Variants in RTEL1 observed in about 807,000 individuals in gnomAD.
The protein encoded by RTEL1 is regulator of telomere elongation helicase 1.
In RTEL1, 86 loss-of-function variants were observed where a neutral mutation model predicts 162.2. That is an observed-to-expected ratio of 0.53 (90% CI 0.45 to 0.63). RTEL1 has a LOEUF of 0.63. Among genes scored for constraint, RTEL1 ranks in the 30% least tolerant of loss-of-function variants. The pLI is 0.00. For missense variants in RTEL1, 1,941 were observed against 1,750.2 expected (o/e 1.11, Z -1.95); for synonymous variants, 958 against 717.9 (o/e 1.33, Z -5.35).
In RTEL1 at chr20:63,687,291, C is replaced by T. The variant is rs115101171; in HGVS notation, c.1349-347C>T. ...TGTCGGGATGCCGGCGCTTCCTTCC[C>T]GTGTGCTCTTGGCGGGGTGGGCTTC... On this transcript the variant is annotated intron_variant, in intron 16 of 34. Coordinates refer to ENST00000360203, the MANE Select transcript of RTEL1 (RefSeq NM_001283009.2). 637 of 254,126 alleles carry T rather than the reference C, an allele frequency of 2.5e-3. 6 individuals are homozygous for T. The highest frequency in any genetic ancestry group is 0.011 in the African/African-American group (483 of 44,846). The allele number at this position is 254,126 out of a possible 1,614,324, so 15.7% of individuals were successfully genotyped here. A position where few individuals can be genotyped will look rare whatever the true frequency, so the allele number is the denominator to read the frequency against.
intron 30 of RTEL1, 51 bp downstream of exon 30, chr20:63,693,334 T>G (rs760116252): frequency 3.7e-6 from 6 of 1,604,090 alleles, no homozygotes. Flanking sequence ...GAAGGCAGTG[T>G]GGGCCAGAGT....
intron 14 of RTEL1, among the ~76,000 whole-genome samples, chr20:63,684,227 C>T (rs2090541416): frequency 6.6e-6 from 1 of 152,168 alleles, no homozygotes; most frequent in Admixed American, 6.5e-5. Context: ...CACGCCACAC[C>T]GGTGGTTCTG....
chr20:63,693,415 T>A, intron 30 of RTEL1, 132 bp downstream of exon 30: 2 of 1,063,438 alleles, frequency 1.9e-6, no homozygotes, highest in East Asian at 2.6e-5. Context: ...ATGGGAGTGA[T>A]GGGGGCCTCC....
intron 29 of RTEL1, 28 bp downstream of exon 29, chr20:63,693,031 C>T (rs377381698): frequency 1.5e-4 from 248 of 1,611,272 alleles, no homozygotes; most frequent in Non-Finnish European, 2.0e-4. Context: ...GGCCACCCAC[C>T]CTGAGGGCAG....
At chr20:63,682,142 T>G (rs1057337457) in intron 14 of RTEL1, 2 of 985,248 alleles carry the variant, frequency 2.0e-6, no homozygotes, top group African/African-American at 3.5e-5. Flanking sequence ...TGGAGAAGTC[T>G]CCTCCACACT....
In RTEL1 at chr20:63,661,636, T is replaced by C. The variant is rs1312512125; in HGVS notation, c.301+140T>C. The C allele has an allele frequency of 2.0e-6, 2 of 1,020,200 alleles. No individual in the cohort carries two copies. The highest frequency in any genetic ancestry group is 2.8e-6 in the Non-Finnish European group (2 of 706,428). 63.2% of individuals were successfully genotyped at this position (1,020,200 alleles called of 1,614,324 possible). A position where few individuals can be genotyped will look rare whatever the true frequency, so the allele number is the denominator to read the frequency against. ...GGAGAATTTTTTAGCTGCTGTATAA[T>C]TTCTCGCCATCGTGGGTGTAAACCT... On this transcript the variant is annotated intron_variant, in intron 3 of 34. Coordinates refer to ENST00000360203, the MANE Select transcript of RTEL1 (RefSeq NM_001283009.2). This position sits in a 1 kb window ranked among gnomAD's most constrained non-coding sequence, Gnocchi z 5.1.
intron 12 of RTEL1, among the ~76,000 whole-genome samples, chr20:63,679,583 G>A (rs2090440270): frequency 6.6e-6 from 1 of 152,136 alleles, no homozygotes; most frequent in African/African-American, 2.4e-5. Flanking sequence ...GCTCCTGAGG[G>A]CGGAGGCCTC....
rs2090842341 is a variant in RTEL1, at chr20:63,693,480, T to TCCACCTCCACCA, written c.2992+202_2992+203insTCCACCACCACC. On this transcript the variant is annotated intron_variant, in intron 30 of 34. Coordinates refer to ENST00000360203, the MANE Select transcript of RTEL1 (RefSeq NM_001283009.2). ...CTCCACCTCCACCTCCACCTCCACC[T>TCCACCTCCACCA]CCACCACCACCTCCACCTCCACCAC... 7.4e-4 allele frequency among the ~76,000 whole-genome samples: 4 copies of TCCACCTCCACCA among 5,416 alleles called. 1 individual carries two copies. The highest frequency in any genetic ancestry group is 2.4e-3 in the African/African-American group (3 of 1,242). 3.6% of individuals were successfully genotyped at this position (5,416 alleles called of 152,430 possible).
At chr20:63,685,215 C>T (rs1389613142) in intron 14 of RTEL1, among the ~76,000 whole-genome samples, 1 of 152,150 alleles carries the variant, frequency 6.6e-6, no homozygotes, top group Non-Finnish European at 1.5e-5. Flanking sequence ...TAATTTGGGG[C>T]CCTCAGGGGC....
In RTEL1 at chr20:63,694,366, C is replaced by A; in HGVS notation, c.2993-6C>A. 6.7e-7 allele frequency: 1 copy of A among 1,501,716 alleles called. No individual in the cohort carries two copies. The highest frequency in any genetic ancestry group is 9.0e-7 in the Non-Finnish European group (1 of 1,109,802). 93.0% of individuals were successfully genotyped at this position (1,501,716 alleles called of 1,614,324 possible). On this transcript the variant is annotated splice_polypyrimidine_tract_variant and splice_region_variant and intron_variant, in intron 30 of 34. Transcript: ENST00000360203. The stretch of plus-strand genomic sequence containing the variant: ...CCAGCTTTGTGGCTCTACATCTCTT[C>A]ATCAGGAAGAACGGCGCCGGATCCC...
intron 16 of RTEL1, chr20:63,687,194 G>A (rs2145417777): frequency 6.0e-6 from 1 of 167,462 alleles, no homozygotes; most frequent in Non-Finnish European, 1.3e-5. Context: ...GCCACTCAGA[G>A]GCTTGTGCAC....
rs143869851 is a variant in RTEL1 at position 63,694,907 on chromosome 20, C to T, written c.3276C>T (p.Leu1092=). The T allele has an allele frequency of 5.6e-6, 9 of 1,612,488 alleles. No homozygotes were observed. The highest frequency in any genetic ancestry group is 4.0e-5 in the African/African-American group (3 of 74,920). Residue 1092 remains leucine, a synonymous_variant, in exon 32 of 35, where the codon CTC becomes CTT. Coordinates refer to ENST00000360203, the MANE Select transcript of RTEL1 (RefSeq NM_001283009.2). ...ALTAYKQDDD[L]DKVLAVLAAL... ...CAGCCTATAAGCAAGACGACGACCT[C>T]GACAAGGTGCTGGCTGTGTTGGCCG...
At chr20:63,694,526 G>T in intron 31 of RTEL1, 38 bp downstream of exon 31, 1 of 1,508,770 alleles carries the variant, frequency 6.6e-7, no homozygotes. Flanking sequence ...CTACGACTTG[G>T]TGGGTCCCTC....
intron 5 of RTEL1, 41 bp downstream of exon 5, chr20:63,662,668 G>A (rs1192209245): frequency 1.9e-6 from 3 of 1,612,204 alleles, no homozygotes; most frequent in South Asian, 2.2e-5. Context: ...TGTCCGACAG[G>A]CGAGTGCTGC....
chr20:63,684,996 A>G (rs1440230729), intron 14 of RTEL1, among the ~76,000 whole-genome samples: 5 of 132,938 alleles, frequency 3.8e-5, no homozygotes, highest in African/African-American at 1.2e-4. Context: ...TCTCAGCTCA[A>G]CCTCCCAAGT....
rs2090699912 is a variant in RTEL1 at position 63,690,193 on chromosome 20, C to T, written c.2248C>T (p.Arg750Cys). 1.9e-6 allele frequency: 3 copies of T among 1,612,322 alleles called. No individual in the cohort carries two copies. The highest frequency in any genetic ancestry group is 1.1e-5 in the South Asian group (1 of 91,086). ...CATCCGAGACGTGGCCCAGTTCTTC[C>T]GTGTTGCCGAGCGAACTGTGAGTTC... ...HVIRDVAQFF[R>C]VAERTMPAPA... The change falls in exon 25 of 35, where the codon CGT (arginine) becomes TGT (cysteine). Residue 750 changes from arginine (R) to cysteine (C), a missense_variant. Transcript: ENST00000360203.
At chr20:63,693,693 A>ACCACCACCACCACCACCT (rs2090877181) in intron 30 of RTEL1, among the ~76,000 whole-genome samples, 1 of 12,816 alleles carries the variant, frequency 7.8e-5, no homozygotes, top group Non-Finnish European at 1.6e-4. Flanking sequence ...CACCACCACC[A>ACCACCACCACCACCACCT]CCACCACCAC....
At chr20:63,662,387 G>C in intron 4 of RTEL1, 159 bp from the exon 5 acceptor site, 1 of 1,470,160 alleles carries the variant, frequency 6.8e-7, no homozygotes, top group Non-Finnish European at 9.3e-7. Flanking sequence ...ACCCCCGCTC[G>C]TCTTCTAGCT....
At position 63,687,763 on chromosome 20, in the gene RTEL1, A is replaced by T. The variant is rs2090629735; in HGVS notation, c.1474A>T (p.Met492Leu). 1.3e-6 allele frequency: 2 copies of T among 1,573,664 alleles called. No homozygotes were observed. The highest frequency in any genetic ancestry group is 1.2e-5 in the South Asian group (1 of 86,668). The stretch of plus-strand genomic sequence containing the variant: ...CCCGGTGTCCTCCTTTGCTCTGGAG[A>T]TGCAGATGTACGGGCCACCCCTGCC... ...LAPVSSFALE[M>L]QIPFPVCLEN... Residue 492 changes from methionine (M) to leucine (L), a missense_variant, in exon 17 of 35, where the codon ATG (methionine) becomes TTG (leucine). Transcript: ENST00000360203.
Sources: gnomAD v4.1 joint callset for allele counts (sites outside exome capture counted in the v4.1 genomes callset) on GRCh38, gnomAD v4.1.1 for gene constraint, Gnocchi (gnomAD v3.1) non-coding constraint, MANE v1.5 for transcripts, NCBI Gene and HGNC (gene_info 2026-07-23, HGNC 2026-07-21) for gene names.